HOXD8: variants seen among roughly 807,000 people sequenced by gnomAD.
The protein encoded by HOXD8 is homeobox D8.
In HOXD8, 17 loss-of-function variants were observed where a neutral mutation model predicts 25.4. That is an observed-to-expected ratio of 0.67 (90% confidence interval 0.46 to 1.00). The LOEUF (loss-of-function observed/expected upper bound fraction) is 1.00. Ranked by LOEUF, HOXD8 falls within the 50% of genes least tolerant of loss-of-function variation. The pLI, the probability that HOXD8 is intolerant of heterozygous loss-of-function variation, is 0.00. For synonymous variants in HOXD8, 203 were observed against 175.3 expected, an observed-to-expected ratio of 1.16 and a Z score of -1.25; for missense variants, 511 against 398.5, an observed-to-expected ratio of 1.28 and a Z score of -2.40.
Position 176,131,774 on chromosome 2 carries a change from TTAAAAA to T in HOXD8, c.*163_*168del. On this transcript the variant is annotated 3_prime_UTR_variant, in exon 2 of 2. Transcript: ENST00000313173. ...TGTGCTTTGAGAGGGATTTGGGTGT[TTAAAAA>T]AGTTTCTAGTATCACATAGAAGCTG... 2 of 583,160 alleles carry T rather than the reference TTAAAAA, an allele frequency of 3.4e-6. No homozygotes were observed. The allele number at this position is 583,160 out of a possible 1,614,324, so 36.1% of individuals were successfully genotyped here.
rs1323990000 is a variant in HOXD8, at chr2:176,130,142, G to A, written c.-225G>A. On this transcript the variant is annotated 5_prime_UTR_variant, in exon 1 of 2. Transcript: ENST00000313173. ...AGGCGGCGCGAAGCCGAGGCGGCGG[G>A]CGCAAGAGCCGGGCATGAGCGCCCA... is the stretch of plus-strand genomic sequence containing the variant. 4 of 182,782 alleles carry A rather than the reference G, an allele frequency of 2.2e-5. No individual in the cohort carries two copies. The highest frequency in any genetic ancestry group is 9.5e-5 in the African/African-American group (4 of 42,006). 11.3% of individuals were successfully genotyped at this position (182,782 alleles called of 1,614,324 possible).
At position 176,131,301 on chromosome 2, in the gene HOXD8, T is replaced by C. The variant is rs759138440; in HGVS notation, c.578-16T>C. 3.8e-6 allele frequency: 6 copies of C among 1,561,308 alleles called. No individual in the cohort carries two copies. In the South Asian group the frequency reaches 7.1e-5, roughly 18 times the overall value. ...AAAACTTTTATTCCCCCCCCCTTTT[T>C]TTTTGTTTTAATCAGCAGCTCCTGG... is the stretch of plus-strand genomic sequence containing the variant. On this transcript the variant is annotated splice_polypyrimidine_tract_variant and intron_variant, in intron 1 of 1. Transcript: ENST00000313173.
In HOXD8 at chr2:176,130,686, C is replaced by T. The variant is rs773508351; in HGVS notation, c.320C>T (p.Ala107Val). The T allele has an allele frequency of 2.1e-5, 33 of 1,576,870 alleles. No individual in the cohort carries two copies. Among genetic ancestry groups the T allele is most frequent in the Admixed American group, 1.7e-5 (1 of 57,682 alleles). ...GGGSPAAAYQAAPPPPPHPPP... is the reference protein window; with the variant it reads ...GGGSPAAAYQVAPPPPPHPPP... ...GGCAGCCCGGCCGCTGCCTACCAGG[C>T]CGCCCCCCCTCCTCCTCCGCATCCT... Residue 107 changes from alanine (A) to valine (V), a missense_variant, in exon 1 of 2, where the codon GCC becomes GTC. Transcript: ENST00000313173.
chr2:176,132,454 T>C lies in HOXD8; in HGVS notation c.*842T>C, dbSNP rs1457830565. ...TCTTTATGCGGTGGCTGCCGCTGTG[T>C]TCCGTTATTTTCAGTAGGTGTCATA... On this transcript the variant is annotated 3_prime_UTR_variant, in exon 2 of 2. Coordinates refer to ENST00000313173, the MANE Select transcript of HOXD8 (RefSeq NM_019558.4). The C allele has an allele frequency of 2.6e-5, 4 of 152,248 alleles. No individual in the cohort carries two copies. The highest frequency in any genetic ancestry group is 5.9e-5 in the Non-Finnish European group (4 of 68,040). 9.4% of individuals were successfully genotyped at this position (152,248 alleles called of 1,614,324 possible).
At chr2:176,131,048 T>G in intron 1 of HOXD8, 105 bp downstream of exon 1, 1 of 805,022 alleles carries the variant, frequency 1.2e-6, no homozygotes, top group Non-Finnish European at 2.0e-6. Flanking sequence ...CTTTTCCTTC[T>G]TGTGTAGCCA....
At position 176,130,574 on chromosome 2, in the gene HOXD8, G is replaced by GAGCACC; in HGVS notation, c.208_209insAGCACC (p.Ala70delinsGluHisPro). 6.8e-7 allele frequency: 1 copy of GAGCACC among 1,462,922 alleles called. No homozygotes were observed. The highest frequency in any genetic ancestry group is 1.3e-5 in the South Asian group (1 of 74,272). The allele number at this position is 1,462,922 out of a possible 1,614,324, so 90.6% of individuals were successfully genotyped here. On this transcript the variant is annotated protein_altering_variant, in exon 1 of 2. Transcript: ENST00000313173. ...CCCGCACGCGCCCCCGCAGGCGCAC[G>GAGCACC]CGCACCCGCACCCGTCCCCGCCGCC...
At position 176,131,293 on chromosome 2, in the gene HOXD8, CCCCT is replaced by C. The variant is rs1559125553; in HGVS notation, c.578-23_578-20del. 2 of 1,562,932 alleles carry C rather than the reference CCCCT, an allele frequency of 1.3e-6. No homozygotes were observed. The highest frequency in any genetic ancestry group is 2.4e-5 in the South Asian group (2 of 83,720). On this transcript the variant is annotated intron_variant, in intron 1 of 1. Coordinates refer to ENST00000313173, the MANE Select transcript of HOXD8 (RefSeq NM_019558.4). ...ACATTTTTAAAACTTTTATTCCCCC[CCCCT>C]TTTTTTTTGTTTTAATCAGCAGCTC...
At position 176,130,939 on chromosome 2, in the gene HOXD8, AC is replaced by A. The variant is rs1374535348; in HGVS notation, c.574del (p.Gln192LysfsTer19). ...CTCAAATGTTTCCGTGGATGAGACC[AC>A]AAGGTTGGGATGCATTTTTTTTTTA... ...PSQMFPWMRP[Q>X]AAPGRRRGRQ... On this transcript the variant is annotated frameshift_variant, in exon 1 of 2. Transcript: ENST00000313173. LOFTEE classifies it high-confidence loss of function. 2 of 1,567,052 alleles carry A rather than the reference AC, an allele frequency of 1.3e-6. No homozygotes were observed. The highest frequency in any genetic ancestry group is 3.6e-5 in the Admixed American group (2 of 55,662).
Position 176,130,688 on chromosome 2 carries a change from G to GCC in HOXD8, c.328_329dup (p.Pro111LeufsTer67), listed in dbSNP as rs770632206. On this transcript the variant is annotated frameshift_variant, in exon 1 of 2. Transcript: ENST00000313173. LOFTEE classifies it high-confidence loss of function. ...CAGCCCGGCCGCTGCCTACCAGGCC[G>GCC]CCCCCCCTCCTCCTCCGCATCCTCC... is the stretch of plus-strand genomic sequence containing the variant. The GCC allele has an allele frequency of 6.3e-7, 1 of 1,577,298 alleles. No homozygotes were observed. Among genetic ancestry groups the GCC allele is most frequent in the African/African-American group, 1.4e-5 (1 of 73,544 alleles).
intron 1 of HOXD8, 30 bp from the exon 2 acceptor site, chr2:176,131,287 T>TCC (rs373731128): frequency 5.8e-6 from 9 of 1,541,570 alleles, no homozygotes; most frequent in African/African-American, 5.7e-5. Flanking sequence ...AAACTTTTAT[T>TCC]CCCCCCCCCT....
Position 176,132,601 on chromosome 2 carries a change from G to C in HOXD8, c.*989G>C, listed in dbSNP as rs978400662. On this transcript the variant is annotated 3_prime_UTR_variant, in exon 2 of 2. Coordinates refer to ENST00000313173, the MANE Select transcript of HOXD8 (RefSeq NM_019558.4). ...AGGAAAGCGATAGCCTCACCTATTT[G>C]AAACAAGCCCTGAGAGGAAACGCAG... 2 of 152,204 alleles carry C rather than the reference G, an allele frequency of 1.3e-5. No homozygotes were observed. Among genetic ancestry groups the C allele is most frequent in the Non-Finnish European group, 2.9e-5 (2 of 68,048 alleles). 9.4% of individuals were successfully genotyped at this position (152,204 alleles called of 1,614,324 possible). A position where few individuals can be genotyped will look rare whatever the true frequency, so the allele number is the denominator to read the frequency against.
chr2:176,131,037 CCTT>C (rs1161927575), intron 1 of HOXD8, 94 bp downstream of exon 1: 1 of 858,948 alleles, frequency 1.2e-6, no homozygotes, highest in Non-Finnish European at 1.8e-6. Flanking sequence ...CTCTCCCCCT[CCTT>C]TTCCTTCTTG....
In HOXD8 at chr2:176,130,603, C is replaced by T. The variant is rs945693846; in HGVS notation, c.237C>T (p.Ser79=). 6.7e-7 allele frequency: 1 copy of T among 1,485,588 alleles called. No homozygotes were observed. The allele number at this position is 1,485,588 out of a possible 1,614,324, so 92.0% of individuals were successfully genotyped here. The change falls in exon 1 of 2, where the codon TCC becomes TCT. Residue 79 remains serine (S), a synonymous_variant. Coordinates refer to ENST00000313173, the MANE Select transcript of HOXD8 (RefSeq NM_019558.4). ...ACCCGCACCCGTCCCCGCCGCCCTCCGGGACTGGGTGCGGCGGTAGGGAAG... is the reference window on the plus strand; with the variant it reads ...ACCCGCACCCGTCCCCGCCGCCCTCTGGGACTGGGTGCGGCGGTAGGGAAG... ...HAHPHPSPPP[S]GTGCGGREGR...
intron 1 of HOXD8, 83 bp downstream of exon 1, chr2:176,131,026 C>T: frequency 2.2e-6 from 2 of 895,840 alleles, no homozygotes; most frequent in South Asian, 1.8e-5. Flanking sequence ...ACTCCCGTTC[C>T]CTCTCCCCCT....
chr2:176,130,688 GC>G lies in HOXD8; in HGVS notation c.329del (p.Pro110LeufsTer67), dbSNP rs770632206. The G allele has an allele frequency of 5.1e-6, 8 of 1,577,214 alleles. No homozygotes were observed. The highest frequency in any genetic ancestry group is 6.9e-6 in the Non-Finnish European group (8 of 1,162,084). On this transcript the variant is annotated frameshift_variant, in exon 1 of 2. Coordinates refer to ENST00000313173, the MANE Select transcript of HOXD8 (RefSeq NM_019558.4). LOFTEE classifies it high-confidence loss of function. ...CAGCCCGGCCGCTGCCTACCAGGCC[GC>G]CCCCCCTCCTCCTCCGCATCCTCCG... Reference protein sequence around the residue: ...GGSPAAAYQAAPPPPPHPPPP... With the variant: ...GGSPAAAYQAXPPPPPHPPPP...
At position 176,130,793 on chromosome 2, in the gene HOXD8, C is replaced by G. The variant is rs1690086935; in HGVS notation, c.427C>G (p.Gln143Glu). 1 of 1,613,408 alleles carries G rather than the reference C, an allele frequency of 6.2e-7. No individual in the cohort carries two copies. The highest frequency in any genetic ancestry group is 1.3e-5 in the African/African-American group (1 of 74,988). Reference protein sequence around the residue: ...PAKFYGYDNLQRQPIFTTQQE... With the variant: ...PAKFYGYDNLERQPIFTTQQE... ...GAAGTTTTACGGATACGATAACTTA[C>G]AGAGACAGCCGATTTTTACGACCCA... The change falls in exon 1 of 2, where the codon CAG becomes GAG. Residue 143 changes from glutamine (Q) to glutamate (E), a missense_variant. Physicochemically the swap from Gln to Glu is conservative, Grantham distance 29 (BLOSUM62 2). Coordinates refer to ENST00000313173, the MANE Select transcript of HOXD8 (RefSeq NM_019558.4).
chr2:176,131,059 C>A, intron 1 of HOXD8, 116 bp downstream of exon 1: 1 of 746,460 alleles, frequency 1.3e-6, no homozygotes, highest in Non-Finnish European at 2.2e-6. Context: ...TGTGTAGCCA[C>A]AGTGGCTCTT....
Position 176,131,515 on chromosome 2 carries a change from A to T in HOXD8, c.776A>T (p.Asp259Val), listed in dbSNP as rs143950622. ...RMKWKKENNK[D>V]KFPVSRQEVK... ...AAATGGAAAAAGGAAAACAACAAGGACAAATTTCCCGTTTCCCGGCAGGAG... is the reference window on the plus strand; with the variant it reads ...AAATGGAAAAAGGAAAACAACAAGGTCAAATTTCCCGTTTCCCGGCAGGAG... The change falls in exon 2 of 2, where the codon GAC becomes GTC. Residue 259 changes from aspartate to valine, a missense_variant. Transcript: ENST00000313173. 6.2e-7 allele frequency: 1 copy of T among 1,614,028 alleles called. No homozygotes were observed. The highest frequency in any genetic ancestry group is 8.5e-7 in the Non-Finnish European group (1 of 1,179,936).
chr2:176,130,830 A>G lies in HOXD8; in HGVS notation c.464A>G (p.Glu155Gly). ...QPIFTTQQEA[E>G]LVQYPDCKSS... ...ATTTTTACGACCCAGCAAGAGGCCGAGCTGGTACAATATCCTGACTGTAAA... is the reference window on the plus strand; with the variant it reads ...ATTTTTACGACCCAGCAAGAGGCCGGGCTGGTACAATATCCTGACTGTAAA... The change falls in exon 1 of 2, where the codon GAG becomes GGG. Residue 155 changes from glutamate to glycine, a missense_variant. Glu to Gly is a moderately conservative substitution (Grantham distance 98). Coordinates refer to ENST00000313173, the MANE Select transcript of HOXD8 (RefSeq NM_019558.4). 9 of 1,613,372 alleles carry G rather than the reference A, an allele frequency of 5.6e-6. No homozygotes were observed. Among genetic ancestry groups the G allele is most frequent in the Non-Finnish European group, 6.8e-6 (8 of 1,179,584 alleles).
Sources: gnomAD v4.1 joint callset for allele counts on GRCh38, gnomAD v4.1.1 for gene constraint, MANE v1.5 for transcripts, NCBI Gene and HGNC (gene_info 2026-07-23, HGNC 2026-07-21) for gene names.